Variants in TNKS observed in about 807,000 individuals in gnomAD.
TNKS encodes poly [ADP-ribose] polymerase tankyrase-1.
A neutral mutation model predicts 135.8 loss-of-function variants in TNKS; 72 were observed. The observed-to-expected ratio is 0.53, with a 90% CI of 0.44 to 0.64. The LOEUF (loss-of-function observed/expected upper bound fraction) is 0.64. Ranked by LOEUF, TNKS falls within the 30% of genes least tolerant of loss-of-function variation. The probability of loss-of-function intolerance (pLI) is 0.00; values close to 1 mark genes in which losing one functional copy is unlikely to be tolerated. For missense variants in TNKS, 1,769 were observed against 1,674.0 expected, an observed-to-expected ratio of 1.06 and a Z score of -0.99; for synonymous variants, 849 against 649.3, an observed-to-expected ratio of 1.31 and a Z score of -4.68.
intron 11 of TNKS, among the ~76,000 whole-genome samples, chr8:9,717,053 A>G (rs1804636066): frequency 8.2e-6 from 1 of 121,972 alleles, no homozygotes; most frequent in Non-Finnish European, 1.7e-5. Context: ...AAACCACCAA[A>G]GATAATCTGT....
At chr8:9,558,523 C>T (rs998194704) in intron 1 of TNKS, 3 of 152,144 alleles carry the variant, frequency 2.0e-5, no homozygotes, top group Non-Finnish European at 4.4e-5. Flanking sequence ...CATGTCATTT[C>T]TCACCATCCC....
chr8:9,686,268 G>C, intron 5 of TNKS, among the ~76,000 whole-genome samples: 1 of 152,102 alleles, frequency 6.6e-6, no homozygotes, highest in Non-Finnish European at 1.5e-5. Context: ...ATGAAGAACT[G>C]AGGCCCCTAG....
At chr8:9,597,657 A>G (rs1459960919) in intron 2 of TNKS, among the ~76,000 whole-genome samples, 1 of 152,196 alleles carries the variant, frequency 6.6e-6, no homozygotes, top group Non-Finnish European at 1.5e-5. Flanking sequence ...CTGTAACCAA[A>G]TATTAAGTGT....
intron 5 of TNKS, among the ~76,000 whole-genome samples, chr8:9,700,478 T>G (rs1274232610): frequency 1.3e-5 from 2 of 152,228 alleles, no homozygotes; most frequent in African/African-American, 2.4e-5. Context: ...TAACCTCTTC[T>G]GAATTCTAGT....
intron 9 of TNKS, among the ~76,000 whole-genome samples, chr8:9,709,232 G>A (rs1432767530): frequency 1.3e-5 from 2 of 152,078 alleles, no homozygotes; most frequent in Admixed American, 6.6e-5. Flanking sequence ...AACTGAAATA[G>A]GCTAACTATA....
chr8:9,599,308 C>T (rs950083429), intron 2 of TNKS, among the ~76,000 whole-genome samples: 6 of 152,034 alleles, frequency 3.9e-5, no homozygotes, highest in African/African-American at 9.7e-5. Context: ...CATTGGGATA[C>T]GAGAGAGTGT....
chr8:9,695,348 TG>T (rs1803463454), intron 5 of TNKS, among the ~76,000 whole-genome samples: 1 of 152,218 alleles, frequency 6.6e-6, no homozygotes, highest in African/African-American at 2.4e-5. Context: ...ATTTTGTTAC[TG>T]ACTTAATTTT....
At chr8:9,705,158 A>C (rs1034684315) in intron 6 of TNKS, among the ~76,000 whole-genome samples, 1 of 152,216 alleles carries the variant, frequency 6.6e-6, no homozygotes, top group African/African-American at 2.4e-5. Flanking sequence ...TACAATACCA[A>C]ATTTTTTTTC....
chr8:9,732,571 C>T (rs866512473), intron 14 of TNKS, among the ~76,000 whole-genome samples: 4 of 148,748 alleles, frequency 2.7e-5, no homozygotes, highest in Middle Eastern at 3.4e-3. Flanking sequence ...CATATTTCAT[C>T]CCAAAACTAA....
chr8:9,601,391 G>C (rs1160627947), intron 2 of TNKS, among the ~76,000 whole-genome samples: 5 of 152,152 alleles, frequency 3.3e-5, no homozygotes, highest in Non-Finnish European at 2.9e-5. Flanking sequence ...TCTTTGCTGA[G>C]AACCAATGCC....
chr8:9,709,640 G>T (rs539465938), intron 9 of TNKS, among the ~76,000 whole-genome samples: 59 of 152,260 alleles, frequency 3.9e-4, no homozygotes, highest in African/African-American at 1.3e-3. Flanking sequence ...GATTTCTGTA[G>T]CGTTGCAGAG....
In TNKS at chr8:9,777,856, G is replaced by C. The variant is rs904189947; in HGVS notation, c.*1120G>C. ...CTTTAGTTGAGAATGCTGGGATTCA[G>C]ACTCGAATAGTGGATAGATACACAC... On this transcript the variant is annotated 3_prime_UTR_variant, in exon 27 of 27. Coordinates refer to ENST00000310430, the MANE Select transcript of TNKS (RefSeq NM_003747.3). 8 of 152,500 alleles carry C rather than the reference G, an allele frequency of 5.2e-5. No individual in the cohort carries two copies. Among genetic ancestry groups the C allele is most frequent in the African/African-American group, 1.4e-4 (6 of 41,448 alleles). 9.4% of individuals were successfully genotyped at this position (152,500 alleles called of 1,614,324 possible).
At chr8:9,726,298 G>A (rs1034437434) in intron 12 of TNKS, among the ~76,000 whole-genome samples, 1 of 152,162 alleles carries the variant, frequency 6.6e-6, no homozygotes, top group African/African-American at 2.4e-5. Flanking sequence ...CTGAGGTGGG[G>A]AGGATTGCTT....
At chr8:9,609,134 AG>A (rs1384869606) in intron 2 of TNKS, among the ~76,000 whole-genome samples, 4 of 152,210 alleles carry the variant, frequency 2.6e-5, no homozygotes, top group African/African-American at 9.6e-5. Context: ...AAACACAATA[AG>A]CATGGTTCTT....
intron 11 of TNKS, 80 bp from the exon 12 acceptor site, chr8:9,720,294 C>G: frequency 7.8e-7 from 1 of 1,284,690 alleles, no homozygotes; most frequent in Non-Finnish European, 1.0e-6. Flanking sequence ...ATTTTTTTTT[C>G]ATAAGAATGT....
In TNKS at chr8:9,704,667, C is replaced by T. The variant is rs1431207219; in HGVS notation, c.1112C>T (p.Thr371Ile). 1 of 1,611,700 alleles carries T rather than the reference C, an allele frequency of 6.2e-7. No individual in the cohort carries two copies. The highest frequency in any genetic ancestry group is 1.3e-5 in the African/African-American group (1 of 74,960). Reference protein sequence around the residue: ...NCHASDGRKSTPLHLAAGYNR... With the variant: ...NCHASDGRKSIPLHLAAGYNR... ...GGGGATGTTTTTCTTTTCTAGTCGA[C>T]TCCTTTACATCTAGCAGCGGGCTAC... Residue 371 changes from threonine (T) to isoleucine (I), a missense_variant, in exon 6 of 27, where the codon ACT becomes ATT. This residue lies in a region of TNKS where 523 missense variants were observed against 541.0 expected (regional missense o/e 0.97). Coordinates refer to ENST00000310430, the MANE Select transcript of TNKS (RefSeq NM_003747.3).
chr8:9,658,933 T>G (rs1219581031), intron 3 of TNKS, among the ~76,000 whole-genome samples: 2 of 152,146 alleles, frequency 1.3e-5, no homozygotes, highest in African/African-American at 4.8e-5. Context: ...GGGGTTGCAA[T>G]CGTAGTCTTG....
At chr8:9,760,029 T>C (rs1807063710) in intron 20 of TNKS, among the ~76,000 whole-genome samples, 1 of 151,440 alleles carries the variant, frequency 6.6e-6, no homozygotes, top group African/African-American at 2.4e-5. Context: ...ATTCTCTAAG[T>C]TGAAGTTACC....
At chr8:9,581,260 A>G (rs1306017385) in intron 2 of TNKS, among the ~76,000 whole-genome samples, 1 of 152,198 alleles carries the variant, frequency 6.6e-6, no homozygotes, top group Non-Finnish European at 1.5e-5. Context: ...AGCTTCTAAT[A>G]TATTTTTCAA....
Sources: allele counts gnomAD v4.1 joint callset (sites outside exome capture counted in the v4.1 genomes callset), GRCh38; gene constraint gnomAD v4.1.1; regional missense constraint gnomAD v4.1.1; transcripts MANE v1.5; gene names NCBI Gene and HGNC (gene_info 2026-07-23, HGNC 2026-07-21).